The following SLC11A2 variants were observed in gnomAD, a reference collection of about 807,000 sequenced individuals.
SLC11A2 encodes natural resistance-associated macrophage protein 2.
SLC11A2 carries 38 observed loss-of-function variants against 68.0 expected under a neutral mutation model. The observed-to-expected ratio is 0.56, with a 90% CI of 0.43 to 0.73. The LOEUF (loss-of-function observed/expected upper bound fraction) is 0.73, where lower values mean the gene tolerates loss of function less well. SLC11A2 is among the 30% of genes least tolerant of loss of function. SLC11A2 has a pLI of 0.00. For missense variants in SLC11A2, 517 were observed against 690.5 expected, an observed-to-expected ratio of 0.75 and a Z score of 2.82; for synonymous variants, 242 against 250.6, an observed-to-expected ratio of 0.97 and a Z score of 0.32.
At chr12:50,964,646 G>C in the SLC11A2 span, among the ~76,000 whole-genome samples, 1 of 152,192 alleles carries the variant, frequency 6.6e-6, no homozygotes, top group African/African-American at 2.4e-5. Flanking sequence ...CCTGCCAGGT[G>C]AAAGCAAATG....
intron 3 of SLC11A2, 195 bp from the exon 4 acceptor site, chr12:51,005,631 C>G (rs1942653183): frequency 7.1e-7 from 1 of 1,404,338 alleles, no homozygotes; most frequent in South Asian, 1.2e-5. Flanking sequence ...CTTCTCTGTC[C>G]AAGTCAAAGC....
chr12:50,974,081 G>A, the SLC11A2 span, among the ~76,000 whole-genome samples: 1 of 151,990 alleles, frequency 6.6e-6, no homozygotes, highest in Non-Finnish European at 1.5e-5. Flanking sequence ...TATTATCCAG[G>A]AGAACTTCCC....
chr12:51,001,563 GTTC>G (rs1942230262), intron 5 of SLC11A2, among the ~76,000 whole-genome samples: 1 of 133,336 alleles, frequency 7.5e-6, no homozygotes, highest in South Asian at 2.3e-4. Flanking sequence ...ATTCCTTTAC[GTTC>G]TTAATAAACT....
chr12:50,998,726 G>A (rs1254035332), intron 8 of SLC11A2, among the ~76,000 whole-genome samples: 1 of 152,160 alleles, frequency 6.6e-6, no homozygotes, highest in East Asian at 1.9e-4. Flanking sequence ...GCACAAACCA[G>A]GAAATATCCA....
chr12:50,977,885 A>G (rs1259545220), downstream of SLC11A2, among the ~76,000 whole-genome samples: 1 of 152,246 alleles, frequency 6.6e-6, no homozygotes, highest in African/African-American at 2.4e-5. Flanking sequence ...CAACAGACAC[A>G]TGAAAAAATG....
At chr12:50,954,155 C>T in the SLC11A2 span, 1 of 951,606 alleles carries the variant, frequency 1.1e-6, no homozygotes. Flanking sequence ...TTACCCAGTG[C>T]CTTTGCGGAT....
chr12:51,027,338 C>CAA (rs34714880), upstream of SLC11A2, among the ~76,000 whole-genome samples: 3 of 150,310 alleles, frequency 2.0e-5, no homozygotes, highest in African/African-American at 7.3e-5. Flanking sequence ...AACCCTGTCT[C>CAA]AAAAAAAAAG....
the SLC11A2 span, among the ~76,000 whole-genome samples, chr12:50,959,312 GT>G: frequency 6.6e-6 from 1 of 151,798 alleles, no homozygotes; most frequent in Non-Finnish European, 1.5e-5. Flanking sequence ...AGAGATGGGG[GT>G]TTCTCCATGT....
Position 50,999,331 on chromosome 12 carries a change from C to G in SLC11A2, c.607+14G>C. 1 of 1,612,558 alleles carries G rather than the reference C, an allele frequency of 6.2e-7. No individual in the cohort carries two copies. The highest frequency in any genetic ancestry group is 8.5e-7 in the Non-Finnish European group (1 of 1,178,580). ...GAGCAGCTCCTTTGACCCTCCCATT[C>G]CCGCTCTCCTTACCATATTTGTCCA... On this transcript the variant is annotated intron_variant, in intron 7 of 15. Transcript: ENST00000262052.
chr12:51,008,445 T>C (rs370900793), intron 3 of SLC11A2, 31 bp downstream of exon 3: 291 of 1,594,552 alleles, frequency 1.8e-4, no homozygotes, highest in Non-Finnish European at 2.3e-4. Context: ...CCCCAGACAA[T>C]AGTGTTCTCC....
chr12:50,986,004 AT>A lies in SLC11A2; in HGVS notation c.*2320del, dbSNP rs141968385. On this transcript the variant is annotated 3_prime_UTR_variant, in exon 16 of 16. Coordinates refer to ENST00000262052, the MANE Select transcript of SLC11A2 (RefSeq NM_000617.3). ...CCAGGAAACCAAATTGGAAAAAGAA[AT>A]TTTTTTTTAATTAGAAACCAAGTTT... 9,360 of 1,155,402 alleles carry A rather than the reference AT, an allele frequency of 8.1e-3. 71 individuals are homozygous for A. Among genetic ancestry groups the A allele is most frequent in the Middle Eastern group, 0.011 (27 of 2,546 alleles). The allele number at this position is 1,155,402 out of a possible 1,614,324, so 71.6% of individuals were successfully genotyped here.
At chr12:50,962,079 T>C in the SLC11A2 span, among the ~76,000 whole-genome samples, 1 of 152,154 alleles carries the variant, frequency 6.6e-6, no homozygotes, top group Admixed American at 6.5e-5. Context: ...AAGTTATAGA[T>C]GCCGTGACAG....
chr12:51,022,620 C>A (rs1944125300), intron 1 of SLC11A2, among the ~76,000 whole-genome samples: 1 of 152,050 alleles, frequency 6.6e-6, no homozygotes, highest in African/African-American at 2.4e-5. Context: ...TGTAGATTGA[C>A]CTTAACAACT....
chr12:50,992,804 A>T lies in SLC11A2; in HGVS notation c.1197+6T>A. Reference sequence around the variant, plus strand: ...TTATCTCCCTCTATCCTATACCAGCACGTACCTCCATGACAAACTGGCCAG... The same window carrying T: ...TTATCTCCCTCTATCCTATACCAGCTCGTACCTCCATGACAAACTGGCCAG... On this transcript the variant is annotated splice_donor_region_variant and intron_variant, in intron 12 of 15. Coordinates refer to ENST00000262052, the MANE Select transcript of SLC11A2 (RefSeq NM_000617.3). 6.2e-7 allele frequency: 1 copy of T among 1,613,496 alleles called. No individual in the cohort carries two copies. Among genetic ancestry groups the T allele is most frequent in the East Asian group, 2.2e-5 (1 of 44,858 alleles).
At position 50,986,543 on chromosome 12, in the gene SLC11A2, T is replaced by C. The variant is rs1940574392; in HGVS notation, c.*1782A>G. On this transcript the variant is annotated 3_prime_UTR_variant, in exon 16 of 16. Coordinates refer to ENST00000262052, the MANE Select transcript of SLC11A2 (RefSeq NM_000617.3). ...GACCCACCCAGACCCAGGGCAAAGATACATGTTACCATATCATCTTTATAA... is the reference window on the plus strand; with the variant it reads ...GACCCACCCAGACCCAGGGCAAAGACACATGTTACCATATCATCTTTATAA... The C allele has an allele frequency of 7.8e-7, 1 of 1,282,062 alleles. No homozygotes were observed. Among genetic ancestry groups the C allele is most frequent in the Non-Finnish European group, 1.0e-6 (1 of 983,882 alleles). The allele number at this position is 1,282,062 out of a possible 1,614,324, so 79.4% of individuals were successfully genotyped here.
chr12:50,967,028 C>T, the SLC11A2 span, among the ~76,000 whole-genome samples: 1 of 151,772 alleles, frequency 6.6e-6, no homozygotes, highest in African/African-American at 2.4e-5. Context: ...GAGGTAGAAT[C>T]ACTTGAACCC....
upstream of SLC11A2, chr12:51,028,312 A>C: frequency 2.0e-6 from 2 of 1,014,416 alleles, no homozygotes; most frequent in Non-Finnish European, 1.5e-6. Context: ...GATAAAGGGC[A>C]CTTTTGGGTG....
At chr12:50,979,134 A>T (rs567082170), downstream of SLC11A2, among the ~76,000 whole-genome samples, 10 of 152,324 alleles carry the variant, frequency 6.6e-5, no homozygotes, top group African/African-American at 2.4e-4. Flanking sequence ...ACTTATAGTA[A>T]TCCAGATTTA....
At chr12:51,010,410 C>G (rs1452967396) in intron 2 of SLC11A2, among the ~76,000 whole-genome samples, 1 of 149,214 alleles carries the variant, frequency 6.7e-6, no homozygotes, top group Non-Finnish European at 1.5e-5. Flanking sequence ...CACAGCTACT[C>G]GGGAGGCTGA....
Sources: allele counts gnomAD v4.1 joint callset (sites outside exome capture counted in the v4.1 genomes callset), GRCh38; gene constraint gnomAD v4.1.1; transcripts MANE v1.5; gene names NCBI Gene and HGNC (gene_info 2026-07-23, HGNC 2026-07-21).